BRD3: variants seen among roughly 807,000 people sequenced by gnomAD.
The protein encoded by BRD3 is bromodomain containing 3.
A neutral mutation model predicts 66.8 loss-of-function variants in BRD3; 17 were observed. The observed-to-expected ratio is 0.25, with a 90% CI of 0.17 to 0.38. The LOEUF is 0.38. BRD3 is among the 10% of genes least tolerant of loss of function. BRD3 has a pLI of 1.00. For synonymous variants in BRD3, 421 were observed against 393.2 expected (o/e 1.07, Z -0.84); for missense variants, 713 against 956.1 (o/e 0.75, Z 3.35).
At chr9:134,058,251 G>A (rs2132446041) in intron 1 of BRD3, 1 of 152,430 alleles carries the variant, frequency 6.6e-6, no homozygotes, top group Non-Finnish European at 1.5e-5. Flanking sequence ...AGAACTGGGT[G>A]TGACCATGGG....
At chr9:134,068,389 C>G (rs1383099917), upstream of BRD3, 1 of 150,076 alleles carries the variant, frequency 6.7e-6, no homozygotes, top group Admixed American at 6.6e-5. Flanking sequence ...ATGGAAGAAG[C>G]GGGCACGCAG....
Position 134,050,367 on chromosome 9 carries a change from T to A in BRD3, c.714+7A>T. 1.2e-6 allele frequency: 2 copies of A among 1,607,954 alleles called. No homozygotes were observed. The highest frequency in any genetic ancestry group is 1.7e-6 in the Non-Finnish European group (2 of 1,178,142). On this transcript the variant is annotated splice_region_variant and intron_variant, in intron 5 of 11. Coordinates refer to ENST00000303407, the MANE Select transcript of BRD3 (RefSeq NM_007371.4). ...GTGCCCCACCCATCCGGACTCAGGG[T>A]GCTCACCTTGACGACAGGCGGCGTA... is the stretch of plus-strand genomic sequence containing the variant.
intron 1 of BRD3, chr9:134,056,156 C>G (rs533953596): frequency 6.6e-6 from 1 of 152,356 alleles, no homozygotes; most frequent in Non-Finnish European, 1.5e-5. Context: ...CCCAGAAGCC[C>G]TCTTGCTGCT....
Position 134,032,261 on chromosome 9 carries a change from T to C in BRD3, c.*1329A>G, listed in dbSNP as rs1165296847. 2 of 217,212 alleles carry C rather than the reference T, an allele frequency of 9.2e-6. No individual in the cohort carries two copies. Among genetic ancestry groups the C allele is most frequent in the Non-Finnish European group, 1.8e-5 (2 of 108,210 alleles). 13.5% of individuals were successfully genotyped at this position (217,212 alleles called of 1,614,324 possible). On this transcript the variant is annotated 3_prime_UTR_variant, in exon 12 of 12. Transcript: ENST00000303407. ...TAAAAATCAAGACTTAGATTTACTATACATTTTTTCTCTCAGATTACAAAG... is the reference window on the plus strand; with the variant it reads ...TAAAAATCAAGACTTAGATTTACTACACATTTTTTCTCTCAGATTACAAAG...
At chr9:134,063,817 T>C (rs1201814894) in intron 1 of BRD3, among the ~76,000 whole-genome samples, 1 of 152,186 alleles carries the variant, frequency 6.6e-6, no homozygotes, top group Non-Finnish European at 1.5e-5. Context: ...TGCAGCTGGT[T>C]ATCAAGCCAC....
At chr9:134,067,724 C>T (rs1163290098) in intron 1 of BRD3, among the ~76,000 whole-genome samples, 10 of 143,746 alleles carry the variant, frequency 7.0e-5, no homozygotes, top group Admixed American at 5.5e-4. Context: ...CCACCGCCGC[C>T]GCCACCGCCG....
At chr9:134,056,128 G>A (rs554076055) in intron 1 of BRD3, 1 of 152,366 alleles carries the variant, frequency 6.6e-6, no homozygotes, top group Admixed American at 6.5e-5. Context: ...AGCCACGGCA[G>A]AGCCGTCCAA....
chr9:134,037,191 T>C (rs923482086), intron 9 of BRD3, among the ~76,000 whole-genome samples: 4 of 152,116 alleles, frequency 2.6e-5, no homozygotes, highest in Non-Finnish European at 5.9e-5. Context: ...AAATATACCA[T>C]GCAAACACTA....
intron 1 of BRD3, 72 bp downstream of exon 1, chr9:134,067,873 G>C (rs1207755088): frequency 1.4e-5 from 2 of 144,804 alleles, no homozygotes; most frequent in East Asian, 4.1e-4. Context: ...GCGCTCCCCG[G>C]CCCAGCCCGG....
intron 4 of BRD3, among the ~76,000 whole-genome samples, 197 bp from the exon 5 acceptor site, chr9:134,050,785 G>A (rs753419766): frequency 2.0e-5 from 3 of 151,974 alleles, no homozygotes; most frequent in Non-Finnish European, 4.4e-5. Flanking sequence ...CTTGGCTGAG[G>A]GCTCCCTGCA....
At position 134,032,510 on chromosome 9, in the gene BRD3, G is replaced by T. The variant is rs892749769; in HGVS notation, c.*1080C>A. 4 of 227,728 alleles carry T rather than the reference G, an allele frequency of 1.8e-5. No individual in the cohort carries two copies. The highest frequency in any genetic ancestry group is 4.5e-5 in the African/African-American group (2 of 44,602). 14.1% of individuals were successfully genotyped at this position (227,728 alleles called of 1,614,324 possible). A position where few individuals can be genotyped will look rare whatever the true frequency, so the allele number is the denominator to read the frequency against. On this transcript the variant is annotated 3_prime_UTR_variant, in exon 12 of 12. Transcript: ENST00000303407. Reference sequence around the variant, plus strand: ...CCAACAAACCCAGGGGCGAGCGCGCGAACAGACGTGGGTGAGCACCGCGCG... The same window carrying T: ...CCAACAAACCCAGGGGCGAGCGCGCTAACAGACGTGGGTGAGCACCGCGCG...
intron 1 of BRD3, among the ~76,000 whole-genome samples, chr9:134,065,739 A>T (rs1334077707): frequency 6.6e-6 from 1 of 152,184 alleles, no homozygotes; most frequent in Non-Finnish European, 1.5e-5. Context: ...CCACTTGGGA[A>T]ACCCTGAGCC....
chr9:134,062,907 T>TA (rs1313400747), intron 1 of BRD3, among the ~76,000 whole-genome samples: 1 of 152,012 alleles, frequency 6.6e-6, no homozygotes, highest in Non-Finnish European at 1.5e-5. Context: ...ACCGTGCTCT[T>TA]AGAGGGACAC....
chr9:134,033,140 G>A lies in BRD3; in HGVS notation c.*450C>T. 2.5e-6 allele frequency: 1 copy of A among 399,818 alleles called. No individual in the cohort carries two copies. The highest frequency in any genetic ancestry group is 2.1e-5 in the African/African-American group (1 of 48,752). The allele number at this position is 399,818 out of a possible 1,614,324, so 24.8% of individuals were successfully genotyped here. A position where few individuals can be genotyped will look rare whatever the true frequency, so the allele number is the denominator to read the frequency against. ...CGTCAGACACGAGGGTCAGAGCTCG[G>A]GGCCCAAATGACAAGGACAATGCGT... On this transcript the variant is annotated 3_prime_UTR_variant, in exon 12 of 12. Coordinates refer to ENST00000303407, the MANE Select transcript of BRD3 (RefSeq NM_007371.4). This position sits in a 1 kb window ranked among gnomAD's most constrained non-coding sequence, Gnocchi z 5.1.
intron 1 of BRD3, among the ~76,000 whole-genome samples, chr9:134,066,825 C>A (rs1325509232): frequency 6.6e-6 from 1 of 152,200 alleles, no homozygotes; most frequent in Non-Finnish European, 1.5e-5. Context: ...TATTTCTGAG[C>A]AGAAAGCTTT....
chr9:134,054,218 A>C (rs1323744666), intron 1 of BRD3: 1 of 152,266 alleles, frequency 6.6e-6, no homozygotes, highest in Non-Finnish European at 1.5e-5. Flanking sequence ...GCTCTCGGCC[A>C]ATCAGAGAGG....
chr9:134,058,403 G>C (rs1367403402), intron 1 of BRD3: 1 of 152,290 alleles, frequency 6.6e-6, no homozygotes, highest in African/African-American at 2.4e-5. Context: ...GGCAGTGTTG[G>C]ACATTCAGAA....
intron 7 of BRD3, among the ~76,000 whole-genome samples, chr9:134,043,540 G>A (rs1201579666): frequency 6.6e-6 from 1 of 152,206 alleles, no homozygotes; most frequent in East Asian, 1.9e-4. Flanking sequence ...TCTCCTCTCA[G>A]GAGATGTCCC....
Position 134,053,595 on chromosome 9 carries a change from AGAG to A in BRD3, c.-113-8_-113-6del, listed in dbSNP as rs1830350507. On this transcript the variant is annotated splice_polypyrimidine_tract_variant and splice_region_variant and intron_variant, in intron 1 of 11. Coordinates refer to ENST00000303407, the MANE Select transcript of BRD3 (RefSeq NM_007371.4). ...CCGGGCCCAACCAGGCGACAGCTGCAGAGGAGGAAGCACAACAGAGAGGAAGGC... is the reference window on the plus strand; with the variant it reads ...CCGGGCCCAACCAGGCGACAGCTGCAGAGGAAGCACAACAGAGAGGAAGGC... 9.0e-6 allele frequency: 13 copies of A among 1,444,630 alleles called. No homozygotes were observed. Among genetic ancestry groups the A allele is most frequent in the Non-Finnish European group, 1.1e-5 (12 of 1,103,136 alleles). 89.5% of individuals were successfully genotyped at this position (1,444,630 alleles called of 1,614,324 possible). A position where few individuals can be genotyped will look rare whatever the true frequency, so the allele number is the denominator to read the frequency against.
Sources: gnomAD v4.1 joint callset for allele counts (sites outside exome capture counted in the v4.1 genomes callset) on GRCh38, gnomAD v4.1.1 for gene constraint, Gnocchi (gnomAD v3.1) non-coding constraint, MANE v1.5 for transcripts, NCBI Gene and HGNC (gene_info 2026-07-23, HGNC 2026-07-21) for gene names.